GIGYF2: variants seen among roughly 807,000 people sequenced by gnomAD.
The protein encoded by GIGYF2 is GRB10 interacting GYF protein 2, also known as GRB10-interacting GYF protein 2.
A neutral mutation model predicts 208.1 loss-of-function variants in GIGYF2; 25 were observed. The ratio of observed to expected loss-of-function variants is 0.12; its 90% CI spans 0.09 to 0.17. GIGYF2 has a LOEUF of 0.17. GIGYF2 is among the 10% of genes least tolerant of loss of function. GIGYF2 has a pLI of 1.00. For synonymous variants in GIGYF2, 534 were observed against 543.8 expected, an observed-to-expected ratio of 0.98 and a Z score of 0.25; for missense variants, 1,302 against 1,579.4, an observed-to-expected ratio of 0.82 and a Z score of 2.98.
chr2:232,836,258 CTCTACATATA>C (rs1701586909), intron 22 of GIGYF2, among the ~76,000 whole-genome samples: 1 of 96,942 alleles, frequency 1.0e-5, no homozygotes, highest in African/African-American at 4.5e-5. Flanking sequence ...GAAACCCCAT[CTCTACATATA>C]TATATATATA....
intron 6 of GIGYF2, 177 bp from the exon 7 acceptor site, chr2:232,760,303 A>G: frequency 1.7e-6 from 1 of 603,072 alleles, no homozygotes; most frequent in Admixed American, 2.6e-5. Context: ...CTTGTGGTCC[A>G]GCTACTTCAA....
intron 23 of GIGYF2, among the ~76,000 whole-genome samples, chr2:232,841,356 C>T (rs943813195): frequency 2.0e-5 from 3 of 151,828 alleles, no homozygotes. Context: ...AGTGCAGTGG[C>T]GCGATCTCGG....
chr2:232,815,646 G>T lies in GIGYF2; in HGVS notation c.2117G>T (p.Gly706Val). 1 of 1,548,664 alleles carries T rather than the reference G, an allele frequency of 6.5e-7. No individual in the cohort carries two copies. Among genetic ancestry groups the T allele is most frequent in the South Asian group, 1.1e-5 (1 of 89,806 alleles). Residue 706 changes from glycine (G) to valine (V), a missense_variant, in exon 19 of 29, where the codon GGT becomes GTT. Physicochemically the swap from Gly to Val is moderately radical, Grantham distance 109 (BLOSUM62 -3). Coordinates refer to ENST00000373563, the MANE Select transcript of GIGYF2 (RefSeq NM_001103146.3). ...TTTTGTTGTCTTACAGTTTGGGAAGGTGGTAGTGTATGGGATCTTCCTCTG... is the reference window on the plus strand; with the variant it reads ...TTTTGTTGTCTTACAGTTTGGGAAGTTGGTAGTGTATGGGATCTTCCTCTG... ...PTASQPTVWE[G>V]GSVWDLPLDT...
chr2:232,697,429 C>G (rs1218534650), intron 1 of GIGYF2, 37 bp downstream of exon 1: 1 of 153,326 alleles, frequency 6.5e-6, no homozygotes, highest in African/African-American at 2.4e-5. Context: ...CTGCCCGGCT[C>G]TGCTCCGCGC....
chr2:232,708,671 TAA>T (rs11365519), intron 2 of GIGYF2, among the ~76,000 whole-genome samples: 129 of 120,380 alleles, frequency 1.1e-3, no homozygotes, highest in East Asian at 2.4e-3. Flanking sequence ...CTCATTTCTT[TAA>T]AAAAAAAAAA....
chr2:232,708,160 A>T (rs1696213507), intron 2 of GIGYF2, among the ~76,000 whole-genome samples: 1 of 151,932 alleles, frequency 6.6e-6, no homozygotes, highest in African/African-American at 2.4e-5. Context: ...GGTTTTTGCC[A>T]TGTTGCCCAG....
chr2:232,747,831 T>A (rs1366011413), intron 4 of GIGYF2, 87 bp downstream of exon 4: 1 of 1,277,644 alleles, frequency 7.8e-7, no homozygotes, highest in Non-Finnish European at 1.1e-6. Context: ...ACTGATTTAT[T>A]TTACTAATGT....
chr2:232,790,803 C>T lies in GIGYF2; in HGVS notation c.818C>T (p.Ser273Phe), dbSNP rs141225775. Residue 273 changes from serine (S) to phenylalanine (F), a missense_variant, in exon 10 of 29, where the codon TCT becomes TTT. Physicochemically the swap from Ser to Phe is radical, Grantham distance 155. Transcript: ENST00000373563. ...DDERGYRRVRSGSGSIDDDRD... is the reference protein window; with the variant it reads ...DDERGYRRVRFGSGSIDDDRD... Reference sequence around the variant, plus strand: ...GAACGGGGTTACCGAAGGGTTCGCTCTGGCAGTGGGAGCATAGATGATGAC... The same window carrying T: ...GAACGGGGTTACCGAAGGGTTCGCTTTGGCAGTGGGAGCATAGATGATGAC... The T allele has an allele frequency of 7.0e-5, 113 of 1,613,930 alleles. No individual in the cohort carries two copies. In the South Asian group the frequency reaches 1.2e-3, roughly 17 times the overall value.
chr2:232,716,688 T>A (rs1409753689), intron 2 of GIGYF2, among the ~76,000 whole-genome samples: 1 of 152,124 alleles, frequency 6.6e-6, no homozygotes. Flanking sequence ...TGGCCAGTGT[T>A]TTTTTTGTTT....
At chr2:232,782,447 T>C (rs1055222998) in intron 8 of GIGYF2, among the ~76,000 whole-genome samples, 1 of 152,180 alleles carries the variant, frequency 6.6e-6, no homozygotes, top group Non-Finnish European at 1.5e-5. Flanking sequence ...ATGCTAAGTA[T>C]ATACCCAACA....
At chr2:232,767,781 C>T in intron 8 of GIGYF2, 1 of 223,654 alleles carries the variant, frequency 4.5e-6, no homozygotes, top group South Asian at 6.4e-5. Context: ...GTCGTCATTC[C>T]ACCCAGGGAG....
chr2:232,817,273 C>T (rs1700943380), intron 20 of GIGYF2, among the ~76,000 whole-genome samples: 1 of 152,108 alleles, frequency 6.6e-6, no homozygotes. Flanking sequence ...TTTTATAAAC[C>T]AGTTAGATTT....
intron 22 of GIGYF2, among the ~76,000 whole-genome samples, chr2:232,839,409 G>A (rs1251553962): frequency 6.6e-6 from 1 of 152,168 alleles, no homozygotes; most frequent in Non-Finnish European, 1.5e-5. Flanking sequence ...AAATCTCATG[G>A]TGCTACCCTC....
In GIGYF2 at chr2:232,740,152, CTT is replaced by C. The variant is rs1476535607; in HGVS notation, c.41+4917_41+4918del. ...AACGAATATTTGGTGATTTAAAACA[CTT>C]TTGAGGATCAAAAATCTATTCAGTC... On this transcript the variant is annotated intron_variant, in intron 3 of 28. Coordinates refer to ENST00000373563, the MANE Select transcript of GIGYF2 (RefSeq NM_001103146.3). Among the ~76,000 whole-genome samples the C allele has an allele frequency of 5.9e-5, 9 of 152,082 alleles. No homozygotes were observed. In the South Asian group the frequency reaches 1.5e-3, roughly 25 times the overall value.
rs1287960713 is a variant in GIGYF2 at position 232,857,690 on chromosome 2, A to G, written c.*830A>G. 6.6e-6 allele frequency: 1 copy of G among 152,628 alleles called. No individual in the cohort carries two copies. The highest frequency in any genetic ancestry group is 1.5e-5 in the Non-Finnish European group (1 of 68,042). The allele number at this position is 152,628 out of a possible 1,614,324, so 9.5% of individuals were successfully genotyped here. On this transcript the variant is annotated 3_prime_UTR_variant, in exon 29 of 29. Coordinates refer to ENST00000373563, the MANE Select transcript of GIGYF2 (RefSeq NM_001103146.3). ...ATAAATATTTTTACTTCAGAGGACT[A>G]GGACCATTTTGTTTTGGGCCCTTCT...
intron 9 of GIGYF2, among the ~76,000 whole-genome samples, chr2:232,787,844 A>G (rs147690588): frequency 6.6e-6 from 1 of 152,358 alleles, no homozygotes; most frequent in East Asian, 1.9e-4. Context: ...TGTCCTTCTA[A>G]CTTTAGAAGA....
intron 22 of GIGYF2, among the ~76,000 whole-genome samples, chr2:232,834,017 C>T (rs1701503617): frequency 6.6e-6 from 1 of 151,802 alleles, no homozygotes; most frequent in South Asian, 2.1e-4. Flanking sequence ...ATTAATTAGT[C>T]TCTGGAGCTG....
chr2:232,776,679 A>G, intron 8 of GIGYF2: 1 of 548,340 alleles, frequency 1.8e-6, no homozygotes, highest in Non-Finnish European at 3.3e-6. Flanking sequence ...GATCATGTGG[A>G]AAAGAATGCT....
At chr2:232,798,529 C>G (rs537167268) in intron 14 of GIGYF2, among the ~76,000 whole-genome samples, 11 of 152,288 alleles carry the variant, frequency 7.2e-5, no homozygotes, top group African/African-American at 2.6e-4. Context: ...TGCCCACCAG[C>G]AATGTATGAG....
Sources: gnomAD v4.1 joint callset for allele counts (sites outside exome capture counted in the v4.1 genomes callset) on GRCh38, gnomAD v4.1.1 for gene constraint, MANE v1.5 for transcripts, NCBI Gene and HGNC (gene_info 2026-07-23, HGNC 2026-07-21) for gene names.